CR2: variants seen among roughly 807,000 people sequenced by gnomAD.
CR2 encodes the protein complement receptor type 2.
In CR2, 96 loss-of-function variants were observed where a neutral mutation model predicts 123.0. The ratio of observed to expected loss-of-function variants is 0.78; its 90% CI spans 0.66 to 0.93. The LOEUF (loss-of-function observed/expected upper bound fraction) is 0.93. Ranked by LOEUF, CR2 falls within the 40% of genes least tolerant of loss-of-function variation. The probability of loss-of-function intolerance (pLI) is 0.00; values close to 1 mark genes in which losing one functional copy is unlikely to be tolerated. For synonymous variants in CR2, 484 were observed against 469.5 expected, an observed-to-expected ratio of 1.03 and a Z score of -0.40; for missense variants, 1,258 against 1,361.0, an observed-to-expected ratio of 0.92 and a Z score of 1.19.
chr1:207,457,943 C>G (rs1017472368), intron 1 of CR2, among the ~76,000 whole-genome samples: 2 of 151,792 alleles, frequency 1.3e-5, no homozygotes, highest in African/African-American at 4.8e-5. Context: ...TAGTTCTGTC[C>G]TCTCTCCTGA....
chr1:207,468,261 C>T (rs1658159237), intron 2 of CR2: 3 of 501,344 alleles, frequency 6.0e-6, no homozygotes, highest in East Asian at 3.8e-5. Context: ...CAACTCGCTA[C>T]CCGTGGACAG....
intron 1 of CR2, among the ~76,000 whole-genome samples, chr1:207,465,421 AT>A (rs1658072445): frequency 2.0e-5 from 3 of 148,684 alleles, no homozygotes; most frequent in Admixed American, 1.3e-4. Flanking sequence ...ATATATATAT[AT>A]AATTATCACA....
rs928818948 is a variant in CR2, at chr1:207,454,774, C to G, written c.58+298C>G. 1 of 382,462 alleles carries G rather than the reference C, an allele frequency of 2.6e-6. No individual in the cohort carries two copies. The highest frequency in any genetic ancestry group is 4.7e-6 in the Non-Finnish European group (1 of 211,762). 23.7% of individuals were successfully genotyped at this position (382,462 alleles called of 1,614,324 possible). A position where few individuals can be genotyped will look rare whatever the true frequency, so the allele number is the denominator to read the frequency against. On this transcript the variant is annotated intron_variant, in intron 1 of 19. Transcript: ENST00000367057. The surrounding 1 kb of genome is among the most constrained non-coding windows in gnomAD (Gnocchi z 4.3). ...GCTCGCGGTCTCCTGCCGGGCTCCC[C>G]GCCCCCAGGATTCTGCAGGTGCTCA...
rs1657830352 is a variant in CR2 at position 207,456,207 on chromosome 1, G to A, written c.58+1731G>A. Reference sequence around the variant, plus strand: ...CTCACACCCCCTGATTTCTCCAGCTGCCTGTCTTGTATGCGCTGCTCATGG... The same window carrying A: ...CTCACACCCCCTGATTTCTCCAGCTACCTGTCTTGTATGCGCTGCTCATGG... On this transcript the variant is annotated intron_variant, in intron 1 of 19. Transcript: ENST00000367057. Among the ~76,000 whole-genome samples the A allele has an allele frequency of 3.3e-5, 5 of 152,140 alleles. No individual in the cohort carries two copies. The South Asian group carries it at 1.0e-3, about 32-fold the overall frequency.
chr1:207,467,217 T>A (rs1658127095), intron 2 of CR2, among the ~76,000 whole-genome samples: 1 of 152,054 alleles, frequency 6.6e-6, no homozygotes, highest in South Asian at 2.1e-4. Context: ...GGGAATGGGG[T>A]GGTTTTCAAC....
chr1:207,482,175 T>G (rs1658621645), intron 18 of CR2, among the ~76,000 whole-genome samples: 1 of 152,192 alleles, frequency 6.6e-6, no homozygotes, highest in Admixed American at 6.5e-5. Context: ...TTTCCCTATT[T>G]AAAATCACTG....
intron 1 of CR2, among the ~76,000 whole-genome samples, chr1:207,465,741 C>T (rs1462911829): frequency 1.3e-5 from 2 of 152,146 alleles, no homozygotes; most frequent in African/African-American, 2.4e-5. Flanking sequence ...TCAGAAAAGG[C>T]GTGCATAACA....
At chr1:207,476,197 G>A (rs753393780) in intron 14 of CR2, 37 bp from the exon 15 acceptor site, 1 of 1,599,972 alleles carries the variant, frequency 6.3e-7, no homozygotes, top group South Asian at 1.1e-5. Flanking sequence ...GTGTTCCTCT[G>A]TGCTGAGTTA....
At chr1:207,483,054 G>A (rs904724121) in intron 18 of CR2, among the ~76,000 whole-genome samples, 1 of 152,152 alleles carries the variant, frequency 6.6e-6, no homozygotes, top group Non-Finnish European at 1.5e-5. Context: ...ATACCGTCAG[G>A]TGTTGGCCTC....
chr1:207,471,119 TC>T, intron 8 of CR2, 32 bp downstream of exon 8: 1 of 1,596,810 alleles, frequency 6.3e-7, no homozygotes, highest in Non-Finnish European at 8.6e-7. Flanking sequence ...CTGACCCAAT[TC>T]CGGTGTATCA....
In CR2 at chr1:207,474,946, G is replaced by A. The variant is rs1469467700; in HGVS notation, c.2446G>A (p.Glu816Lys). Residue 816 changes from glutamate (E) to lysine (K), a missense_variant, in exon 14 of 20, where the codon GAG becomes AAG. Coordinates refer to ENST00000367057, the MANE Select transcript of CR2 (RefSeq NM_001006658.3). Reference protein sequence around the residue: ...ECDQGFYLLGEKKLQCRSDSK... With the variant: ...ECDQGFYLLGKKKLQCRSDSK... ...TGACCAAGGATTCTATCTCCTGGGA[G>A]AGAAAAAATTGCAGTGCAGAAGTGA... is the stretch of plus-strand genomic sequence containing the variant. 8 of 1,613,994 alleles carry A rather than the reference G, an allele frequency of 5.0e-6. No individual in the cohort carries two copies. Among genetic ancestry groups the A allele is most frequent in the South Asian group, 1.1e-5 (1 of 91,084 alleles).
chr1:207,457,511 C>A (rs1258460899), intron 1 of CR2, among the ~76,000 whole-genome samples: 1 of 152,202 alleles, frequency 6.6e-6, no homozygotes, highest in African/African-American at 2.4e-5. Flanking sequence ...TTCTTCTCAG[C>A]AAAACTTTTC....
chr1:207,459,652 A>G (rs1174469119), intron 1 of CR2, among the ~76,000 whole-genome samples: 1 of 152,108 alleles, frequency 6.6e-6, no homozygotes, highest in Admixed American at 6.5e-5. Flanking sequence ...GGTTGGAAGG[A>G]TATGTGTCTG....
intron 1 of CR2, among the ~76,000 whole-genome samples, chr1:207,455,557 T>C (rs1232862817): frequency 6.6e-6 from 1 of 152,242 alleles, no homozygotes; most frequent in Non-Finnish European, 1.5e-5. Context: ...TATTGAGGTG[T>C]CTGGAATACA....
intron 1 of CR2, among the ~76,000 whole-genome samples, chr1:207,461,636 G>T (rs1325370836): frequency 1.3e-5 from 2 of 152,078 alleles, no homozygotes; most frequent in African/African-American, 4.8e-5. Flanking sequence ...TTCTGCCAAG[G>T]TTTCCTTTTG....
intron 1 of CR2, among the ~76,000 whole-genome samples, chr1:207,465,608 T>G (rs1658078507): frequency 1.3e-5 from 2 of 152,192 alleles, no homozygotes; most frequent in South Asian, 4.1e-4. Flanking sequence ...AGCACTGATG[T>G]GATGAAACAG....
chr1:207,469,928 T>C lies in CR2; in HGVS notation c.1051T>C (p.Cys351Arg), dbSNP rs367567954. The C allele has an allele frequency of 3.1e-6, 5 of 1,613,870 alleles. No homozygotes were observed. The highest frequency in any genetic ancestry group is 2.7e-5 in the African/African-American group (2 of 74,892). The change falls in exon 6 of 20, where the codon TGT becomes CGT. Residue 351 changes from cysteine to arginine, a missense_variant. Transcript: ENST00000367057. ...TGAACTTTCTACTTCTGCGGTTCAG[T>C]GTCCACATCCCCAGATCCTAAGAGG... is the stretch of plus-strand genomic sequence containing the variant. ...RCELSTSAVQ[C>R]PHPQILRGRM...
Position 207,471,058 on chromosome 1 carries a change from A to G in CR2, c.1464A>G (p.Arg488=). The change falls in exon 8 of 20, where the codon AGA becomes AGG. Residue 488 remains arginine (R), a synonymous_variant. Transcript: ENST00000367057. ...LLTKPQHQFV[R]PDVNSSCGEG... Reference sequence around the variant, plus strand: ...CAAAACCCCAGCACCAATTTGTTAGACCAGATGTCAACTCTTCTTGTGGTG... The same window carrying G: ...CAAAACCCCAGCACCAATTTGTTAGGCCAGATGTCAACTCTTCTTGTGGTG... The G allele has an allele frequency of 6.2e-7, 1 of 1,613,718 alleles. No individual in the cohort carries two copies. The highest frequency in any genetic ancestry group is 1.1e-5 in the South Asian group (1 of 91,084).
At position 207,469,894 on chromosome 1, in the gene CR2, C is replaced by T; in HGVS notation, c.1017C>T (p.Ala339=). 1.2e-6 allele frequency: 2 copies of T among 1,613,960 alleles called. No individual in the cohort carries two copies. Among genetic ancestry groups the T allele is most frequent in the Non-Finnish European group, 1.7e-6 (2 of 1,179,920 alleles). Residue 339 remains alanine, a synonymous_variant, in exon 6 of 20, where the codon GCC becomes GCT. Coordinates refer to ENST00000367057, the MANE Select transcript of CR2 (RefSeq NM_001006658.3). ...SQKTGTWSGP[A]PRCELSTSAV... ...AGACTGGGACCTGGAGTGGCCCTGC[C>T]CCACGCTGTGAACTTTCTACTTCTG...
Sources: gnomAD v4.1 joint callset for allele counts (sites outside exome capture counted in the v4.1 genomes callset) on GRCh38, gnomAD v4.1.1 for gene constraint, Gnocchi (gnomAD v3.1) non-coding constraint, MANE v1.5 for transcripts, NCBI Gene and HGNC (gene_info 2026-07-23, HGNC 2026-07-21) for gene names.